Variants in SIPA1L1 observed in about 807,000 individuals in gnomAD.
SIPA1L1 encodes the protein signal induced proliferation associated 1 like 1, also known as signal-induced proliferation-associated 1-like protein 1.
A neutral mutation model predicts 162.7 loss-of-function variants in SIPA1L1; 26 were observed. That is an observed-to-expected ratio of 0.16 (90% CI 0.12 to 0.22). SIPA1L1 has a LOEUF of 0.22. SIPA1L1 is among the 10% of genes least tolerant of loss of function. The pLI is 1.00. For missense variants in SIPA1L1, 1,874 were observed against 2,241.0 expected (o/e 0.84, Z 3.31); for synonymous variants, 829 against 837.4 (o/e 0.99, Z 0.17).
intron 3 of SIPA1L1, among the ~76,000 whole-genome samples, chr14:71,527,130 T>G (rs2052960628): frequency 6.6e-6 from 1 of 152,174 alleles, no homozygotes; most frequent in African/African-American, 2.4e-5. Flanking sequence ...TTGTTAGCCA[T>G]TTTTATATTC....
chr14:71,557,275 C>T (rs187227136), intron 4 of SIPA1L1, among the ~76,000 whole-genome samples: 2 of 152,250 alleles, frequency 1.3e-5, no homozygotes, highest in East Asian at 3.9e-4. Context: ...GTTTCATGTA[C>T]CCAAATCTGT....
intron 2 of SIPA1L1, among the ~76,000 whole-genome samples, chr14:71,403,400 C>G (rs1017343329): frequency 3.3e-5 from 5 of 151,938 alleles, no homozygotes; most frequent in African/African-American, 1.2e-4. Flanking sequence ...GAGTTTAAGA[C>G]CAACCTGGCT....
intron 12 of SIPA1L1, among the ~76,000 whole-genome samples, chr14:71,675,820 G>C (rs1254517842): frequency 6.6e-6 from 1 of 152,184 alleles, no homozygotes. Context: ...AGGGACACAA[G>C]CAAGGGGGTG....
At chr14:71,552,074 C>T (rs773914947) in intron 4 of SIPA1L1, among the ~76,000 whole-genome samples, 26 of 152,282 alleles carry the variant, frequency 1.7e-4, no homozygotes, top group Non-Finnish European at 2.8e-4. Flanking sequence ...ACTGTAAGCC[C>T]CTCAAGAGTG....
intron 2 of SIPA1L1, among the ~76,000 whole-genome samples, chr14:71,461,458 T>C (rs1254278788): frequency 1.3e-5 from 2 of 152,132 alleles, no homozygotes; most frequent in Admixed American, 1.3e-4. Context: ...AATGGGTCAT[T>C]CCATTCACTT....
chr14:71,678,252 A>C (rs146911069), intron 12 of SIPA1L1, among the ~76,000 whole-genome samples: 2,441 of 152,282 alleles, frequency 0.016, 39 homozygotes, highest in South Asian at 0.058. Flanking sequence ...GTTTTTGCCC[A>C]TTCAGTATGA....
chr14:71,393,239 A>G (rs939412521), intron 2 of SIPA1L1, among the ~76,000 whole-genome samples: 2 of 148,982 alleles, frequency 1.3e-5, no homozygotes, highest in Admixed American at 6.6e-5. Context: ...AGTTATTATA[A>G]TATTTTCAAT....
chr14:71,689,613 A>C (rs1463133106), intron 13 of SIPA1L1, among the ~76,000 whole-genome samples: 1 of 152,256 alleles, frequency 6.6e-6, no homozygotes, highest in African/African-American at 2.4e-5. Flanking sequence ...TTGGATAAAC[A>C]ACAGACATCT....
chr14:71,412,201 A>G (rs1197151409), intron 2 of SIPA1L1, among the ~76,000 whole-genome samples: 1 of 152,242 alleles, frequency 6.6e-6, no homozygotes, highest in Non-Finnish European at 1.5e-5. Context: ...TTTTAGAGCA[A>G]GCTTGTCCAT....
chr14:71,388,732 C>T (rs2040530233), intron 2 of SIPA1L1, among the ~76,000 whole-genome samples: 1 of 152,170 alleles, frequency 6.6e-6, no homozygotes, highest in African/African-American at 2.4e-5. Context: ...TGGTTGTCAG[C>T]CCTGGCTGAA....
At chr14:71,485,666 A>G (rs1408032042) in intron 2 of SIPA1L1, among the ~76,000 whole-genome samples, 1 of 151,728 alleles carries the variant, frequency 6.6e-6, no homozygotes, top group East Asian at 1.9e-4. Context: ...TTATAATGTA[A>G]TAATAATAAA....
At chr14:71,587,113 A>G (rs1021506243) in intron 4 of SIPA1L1, among the ~76,000 whole-genome samples, 23 of 152,190 alleles carry the variant, frequency 1.5e-4, no homozygotes, top group Non-Finnish European at 3.2e-4. Context: ...GTTGCAGCAT[A>G]TTCAGTAAAG....
At chr14:71,619,018 C>G in intron 6 of SIPA1L1, 131 bp downstream of exon 6, 1 of 920,608 alleles carries the variant, frequency 1.1e-6, no homozygotes. Context: ...AGTCCCCTTT[C>G]ATTTATTCTG....
chr14:71,418,755 C>T (rs991304832), intron 2 of SIPA1L1, among the ~76,000 whole-genome samples: 2 of 152,148 alleles, frequency 1.3e-5, no homozygotes, highest in African/African-American at 2.4e-5. Context: ...AATGTCTTCA[C>T]TAGTATTTAA....
In SIPA1L1 at chr14:71,651,398, A is replaced by G. The variant is rs186343053; in HGVS notation, c.1993+889A>G. ...GAGTCATGAAAACAGAAAAGCATTC[A>G]TAAACTCCACTGCAGGGAAGAATTT... On this transcript the variant is annotated intron_variant, in intron 8 of 23. Coordinates refer to ENST00000381232, the MANE Select transcript of SIPA1L1 (RefSeq NM_001386936.1). Among the ~76,000 whole-genome samples the G allele has an allele frequency of 2.0e-5, 3 of 152,350 alleles. No homozygotes were observed. In the East Asian group the frequency reaches 5.8e-4, roughly 29 times the overall value.
chr14:71,320,989 C>G (rs1209495276), intron 1 of SIPA1L1, 133 bp from the exon 2 acceptor site: 2 of 152,158 alleles, frequency 1.3e-5, no homozygotes, highest in African/African-American at 2.4e-5. Flanking sequence ...TGGGCTGATT[C>G]CACCCCCGCC....
intron 18 of SIPA1L1, 41 bp downstream of exon 18, chr14:71,723,927 A>G (rs1478327295): frequency 1.2e-6 from 2 of 1,611,824 alleles, no homozygotes; most frequent in Non-Finnish European, 1.7e-6. Flanking sequence ...GCTTGCTTTT[A>G]ACAGGACAGA....
At chr14:71,422,056 T>C (rs191997517) in intron 2 of SIPA1L1, among the ~76,000 whole-genome samples, 6 of 152,372 alleles carry the variant, frequency 3.9e-5, no homozygotes, top group African/African-American at 1.4e-4. Flanking sequence ...TTTTACTTAG[T>C]GATGCTAACA....
At chr14:71,573,219 A>G in intron 4 of SIPA1L1, among the ~76,000 whole-genome samples, 1 of 152,262 alleles carries the variant, frequency 6.6e-6, no homozygotes, top group South Asian at 2.1e-4. Context: ...TGATAAAAAC[A>G]TAAACGAATT....
Sources: gnomAD v4.1 joint callset for allele counts (sites outside exome capture counted in the v4.1 genomes callset) on GRCh38, gnomAD v4.1.1 for gene constraint, MANE v1.5 for transcripts, NCBI Gene and HGNC (gene_info 2026-07-23, HGNC 2026-07-21) for gene names.